The following PTPRD variants were observed in gnomAD, a reference collection of about 807,000 sequenced individuals.
PTPRD encodes the protein protein tyrosine phosphatase receptor type D.
Under a neutral mutation model 214.5 loss-of-function variants are expected in PTPRD, and 34 were observed. The observed-to-expected ratio is 0.16, with a 90% CI of 0.12 to 0.21. The LOEUF is 0.21. Among genes scored for constraint, PTPRD ranks in the 10% least tolerant of loss-of-function variants. The pLI is 1.00. For synonymous variants in PTPRD, 1,128 were observed against 845.7 expected, an observed-to-expected ratio of 1.33 and a Z score of -5.79; for missense variants, 2,545 against 2,398.7, an observed-to-expected ratio of 1.06 and a Z score of -1.27.
At chr9:10,500,256 C>T (rs889135275) in intron 2 of PTPRD, among the ~76,000 whole-genome samples, 2 of 151,740 alleles carry the variant, frequency 1.3e-5, no homozygotes, top group African/African-American at 4.8e-5. Flanking sequence ...GATGGCCTAT[C>T]CCTGAAACTA....
intron 9 of PTPRD, among the ~76,000 whole-genome samples, chr9:9,198,769 CCTT>C (rs967124809): frequency 1.3e-5 from 2 of 152,112 alleles, no homozygotes; most frequent in Non-Finnish European, 2.9e-5. Context: ...CAGTGTCTTA[CCTT>C]AATGGAAAAT....
chr9:9,520,265 T>TTATA (rs981716414), intron 8 of PTPRD, among the ~76,000 whole-genome samples: 1 of 142,354 alleles, frequency 7.0e-6, no homozygotes, highest in Non-Finnish European at 1.5e-5. Flanking sequence ...CTCCTAAAAG[T>TTATA]TATATATATA....
At chr9:9,114,709 G>GA (rs1368037485) in intron 10 of PTPRD, among the ~76,000 whole-genome samples, 1 of 151,924 alleles carries the variant, frequency 6.6e-6, no homozygotes, top group African/African-American at 2.4e-5. Flanking sequence ...AAAAAATAAG[G>GA]AAAAAAATCA....
At chr9:8,765,722 C>T (rs2094687524) in intron 11 of PTPRD, among the ~76,000 whole-genome samples, 1 of 152,142 alleles carries the variant, frequency 6.6e-6, no homozygotes, top group Non-Finnish European at 1.5e-5. Flanking sequence ...TTAAACTTGG[C>T]AGCAGTAGCT....
intron 7 of PTPRD, among the ~76,000 whole-genome samples, chr9:9,673,518 T>G (rs867186784): frequency 6.6e-6 from 1 of 151,706 alleles, no homozygotes. Flanking sequence ...AATAGCAAAC[T>G]GGGAAATATT....
intron 3 of PTPRD, among the ~76,000 whole-genome samples, chr9:10,058,463 T>G (rs2097699393): frequency 6.6e-6 from 1 of 152,102 alleles, no homozygotes; most frequent in Non-Finnish European, 1.5e-5. Context: ...AATTTAAATC[T>G]ATGCTCCCAG....
chr9:10,093,914 A>T (rs1462505531), intron 3 of PTPRD, among the ~76,000 whole-genome samples: 1 of 151,430 alleles, frequency 6.6e-6, no homozygotes, highest in Non-Finnish European at 1.5e-5. Context: ...AGATAGGAAC[A>T]GTAGACACGG....
In PTPRD at chr9:8,436,682, A is replaced by T; in HGVS notation, c.3996T>A (p.Ala1332=). Residue 1332 remains alanine, a synonymous_variant, in exon 35 of 46, where the codon GCT becomes GCA. Transcript: ENST00000381196. ...CCAAGATGGGTATTGGAGGATGGCT[A>T]GCCATACCTATTGAAAAAAGCAAAG... ...RRLNFQTPGM[A]SHPPIPILEL... 1 of 1,611,868 alleles carries T rather than the reference A, an allele frequency of 6.2e-7. No individual in the cohort carries two copies. The highest frequency in any genetic ancestry group is 8.5e-7 in the Non-Finnish European group (1 of 1,178,786).
chr9:10,488,852 C>A (rs2099149927), intron 2 of PTPRD, among the ~76,000 whole-genome samples: 1 of 152,108 alleles, frequency 6.6e-6, no homozygotes, highest in African/African-American at 2.4e-5. Context: ...TCTTTCAGGG[C>A]AGTGGGCTCC....
intron 7 of PTPRD, among the ~76,000 whole-genome samples, chr9:9,692,573 T>C (rs566913473): frequency 3.9e-5 from 6 of 152,212 alleles, no homozygotes; most frequent in African/African-American, 1.4e-4. Flanking sequence ...TTTCTTCAGT[T>C]TTGTTCTTTT....
chr9:10,547,696 A>C (rs949148104), intron 2 of PTPRD, among the ~76,000 whole-genome samples: 4 of 151,636 alleles, frequency 2.6e-5, no homozygotes, highest in African/African-American at 9.7e-5. Flanking sequence ...ATATACATAT[A>C]TGTTATATAT....
chr9:9,123,753 A>G (rs2099819838), intron 10 of PTPRD, among the ~76,000 whole-genome samples: 1 of 152,206 alleles, frequency 6.6e-6, no homozygotes, highest in Non-Finnish European at 1.5e-5. Context: ...GAATGAAAGG[A>G]AGACAACATT....
At chr9:8,421,106 A>C (rs1347503809) in intron 35 of PTPRD, among the ~76,000 whole-genome samples, 2 of 152,160 alleles carry the variant, frequency 1.3e-5, no homozygotes, top group Non-Finnish European at 2.9e-5. Context: ...GTTAAGAGTT[A>C]TAACCTAATG....
At chr9:9,093,952 C>T (rs2099779905) in intron 10 of PTPRD, among the ~76,000 whole-genome samples, 2 of 151,378 alleles carry the variant, frequency 1.3e-5, no homozygotes, top group African/African-American at 2.4e-5. Flanking sequence ...AAAAAAAAGG[C>T]ACAACATCAA....
intron 35 of PTPRD, among the ~76,000 whole-genome samples, chr9:8,422,932 T>A (rs966771288): frequency 6.6e-6 from 1 of 152,170 alleles, no homozygotes; most frequent in Admixed American, 6.5e-5. Flanking sequence ...CAGCATTTCA[T>A]TGTTCATTAA....
At position 10,293,278 on chromosome 9, in the gene PTPRD, T is replaced by C. The variant is rs553212177; in HGVS notation, c.-545+47685A>G. Among the ~76,000 whole-genome samples the C allele has an allele frequency of 8.1e-4, 123 of 152,084 alleles. 3 individuals are homozygous for C. In the South Asian group the frequency reaches 0.022, roughly 27 times the overall value. On this transcript the variant is annotated intron_variant, in intron 3 of 45. Coordinates refer to ENST00000381196, the MANE Select transcript of PTPRD (RefSeq NM_002839.4). The stretch of plus-strand genomic sequence containing the variant: ...ATAGAAAAAAAATTGGAAAAATCTG[T>C]ACTTCATTATCTTGTAAATAATGAT...
At chr9:9,468,280 G>A (rs983093282) in intron 8 of PTPRD, among the ~76,000 whole-genome samples, 1 of 151,930 alleles carries the variant, frequency 6.6e-6, no homozygotes, top group Non-Finnish European at 1.5e-5. Context: ...TTTCAAAAAT[G>A]TTGGTAAAAG....
intron 21 of PTPRD, among the ~76,000 whole-genome samples, chr9:8,514,911 A>T (rs1312728011): frequency 6.6e-6 from 1 of 151,954 alleles, no homozygotes; most frequent in East Asian, 1.9e-4. Context: ...TTCTCACGAG[A>T]TCTAATGGTT....
chr9:9,624,499 G>A (rs951463022), intron 7 of PTPRD, among the ~76,000 whole-genome samples: 1 of 151,942 alleles, frequency 6.6e-6, no homozygotes, highest in African/African-American at 2.4e-5. Flanking sequence ...TGTTGGCCAG[G>A]CTGGTCTCAA....
Sources: allele counts gnomAD v4.1 joint callset (sites outside exome capture counted in the v4.1 genomes callset), GRCh38; gene constraint gnomAD v4.1.1; transcripts MANE v1.5; gene names NCBI Gene and HGNC (gene_info 2026-07-23, HGNC 2026-07-21).